XPNPEP3: variants seen among roughly 807,000 people sequenced by gnomAD.
The protein encoded by XPNPEP3 is xaa-Pro aminopeptidase 3.
A neutral mutation model predicts 60.0 loss-of-function variants in XPNPEP3; 41 were observed. The ratio of observed to expected loss-of-function variants is 0.68; its 90% confidence interval spans 0.53 to 0.89. The LOEUF (loss-of-function observed/expected upper bound fraction) is 0.89. XPNPEP3 is among the 40% of genes least tolerant of loss of function. The pLI is 0.00. For synonymous variants in XPNPEP3, 212 were observed against 223.2 expected, an observed-to-expected ratio of 0.95 and a Z score of 0.45; for missense variants, 598 against 638.9, an observed-to-expected ratio of 0.94 and a Z score of 0.69.
At chr22:40,863,681 A>G (rs914260884) in intron 1 of XPNPEP3, among the ~76,000 whole-genome samples, 2 of 152,212 alleles carry the variant, frequency 1.3e-5, no homozygotes, top group African/African-American at 4.8e-5. Context: ...ATAATAACCA[A>G]TAATGTCGAA....
chr22:40,924,569 G>T, intron 9 of XPNPEP3, 87 bp downstream of exon 9: 9 of 1,557,656 alleles, frequency 5.8e-6, no homozygotes, highest in Non-Finnish European at 7.8e-6. Context: ...TTTCGCCCAG[G>T]CTGGAGTGAA....
intron 2 of XPNPEP3, among the ~76,000 whole-genome samples, chr22:40,878,866 GCGTGAGC>G (rs2145782595): frequency 6.6e-6 from 1 of 152,242 alleles, no homozygotes; most frequent in South Asian, 2.1e-4. Context: ...AGGATTATAG[GCGTGAGC>G]CACTGCACCC....
At chr22:40,859,443 ATTTTTGCTTTAG>A (rs1176480541) in intron 1 of XPNPEP3, 1 of 152,034 alleles carries the variant, frequency 6.6e-6, no homozygotes. Context: ...TGAGACACTG[ATTTTTGCTTTAG>A]TTTTTGGAAA....
rs574701179 is a variant in XPNPEP3 at position 40,860,974 on chromosome 22, C to T, written c.64+3729C>T. ...ATCCTGCTAAAAGTGTTGAAAAGCTCTTAGTATAGTATTAAGTGTTATCTA... is the reference window on the plus strand; with the variant it reads ...ATCCTGCTAAAAGTGTTGAAAAGCTTTTAGTATAGTATTAAGTGTTATCTA... On this transcript the variant is annotated intron_variant, in intron 1 of 9. Transcript: ENST00000357137. 53 of 1,239,106 alleles carry T rather than the reference C, an allele frequency of 4.3e-5. No individual in the cohort carries two copies. In the Middle Eastern group the frequency reaches 8.3e-4, roughly 19 times the overall value. 76.8% of individuals were successfully genotyped at this position (1,239,106 alleles called of 1,614,324 possible).
At chr22:40,910,410 C>A (rs1406892290) in intron 6 of XPNPEP3, among the ~76,000 whole-genome samples, 3 of 151,880 alleles carry the variant, frequency 2.0e-5, no homozygotes, top group African/African-American at 4.8e-5. Flanking sequence ...TTTTTTAACT[C>A]CTAAATATCA....
intron 4 of XPNPEP3, among the ~76,000 whole-genome samples, chr22:40,895,328 A>G (rs922745207): frequency 6.6e-6 from 1 of 151,552 alleles, no homozygotes; most frequent in African/African-American, 2.4e-5. Flanking sequence ...AATAGAGATT[A>G]GTGCTTTTCT....
At chr22:40,858,955 T>G (rs2057924087) in intron 1 of XPNPEP3, among the ~76,000 whole-genome samples, 1 of 152,188 alleles carries the variant, frequency 6.6e-6, no homozygotes, top group African/African-American at 2.4e-5. Context: ...TAATTCTTTT[T>G]TTGGAGATGG....
At chr22:40,911,199 T>G (rs1007939903) in intron 6 of XPNPEP3, among the ~76,000 whole-genome samples, 51 of 152,192 alleles carry the variant, frequency 3.4e-4, no homozygotes, top group African/African-American at 1.2e-3. Context: ...TAATTTTTAT[T>G]ACCTTAATTA....
At chr22:40,858,353 C>CTCCT (rs2057917140) in intron 1 of XPNPEP3, among the ~76,000 whole-genome samples, 1 of 152,000 alleles carries the variant, frequency 6.6e-6, no homozygotes, top group East Asian at 1.9e-4. Context: ...GCGATCCACC[C>CTCCT]TCCTCTCTGA....
chr22:40,871,326 T>C (rs2058004635), intron 2 of XPNPEP3, among the ~76,000 whole-genome samples: 1 of 152,178 alleles, frequency 6.6e-6, no homozygotes, highest in South Asian at 2.1e-4. Flanking sequence ...GCACTCCATC[T>C]TGGGTGACAG....
intron 4 of XPNPEP3, among the ~76,000 whole-genome samples, chr22:40,891,116 G>A (rs1164678801): frequency 6.7e-6 from 1 of 149,002 alleles, no homozygotes; most frequent in Admixed American, 6.7e-5. Flanking sequence ...CCCAAGACGG[G>A]TGGATCACTT....
chr22:40,857,267 C>T (rs1035781789), intron 1 of XPNPEP3, 22 bp downstream of exon 1: 1 of 1,613,792 alleles, frequency 6.2e-7, no homozygotes, highest in Admixed American at 1.7e-5. Context: ...CTCCCACGGT[C>T]TCCTCCCATG....
At chr22:40,907,174 C>A (rs766363333) in intron 4 of XPNPEP3, 4 of 457,712 alleles carry the variant, frequency 8.7e-6, no homozygotes, top group Non-Finnish European at 1.8e-5. Context: ...GTATTCCCAT[C>A]ACTTTGGGAG....
chr22:40,886,190 C>T (rs2058067909), intron 3 of XPNPEP3, 123 bp from the exon 4 acceptor site: 2 of 943,612 alleles, frequency 2.1e-6, no homozygotes, highest in Non-Finnish European at 3.4e-6. Context: ...TAAGTCTCAA[C>T]ACTTTAGAGT....
chr22:40,889,570 A>G (rs993489568), intron 4 of XPNPEP3, among the ~76,000 whole-genome samples: 2 of 152,230 alleles, frequency 1.3e-5, no homozygotes, highest in African/African-American at 4.8e-5. Context: ...GCTCACCCCT[A>G]TAATCTCAGC....
At chr22:40,896,717 T>G (rs1235026101) in intron 4 of XPNPEP3, among the ~76,000 whole-genome samples, 1 of 152,200 alleles carries the variant, frequency 6.6e-6, no homozygotes, top group Non-Finnish European at 1.5e-5. Context: ...ATTAGGTATA[T>G]TCACACTGTG....
intron 3 of XPNPEP3, among the ~76,000 whole-genome samples, chr22:40,885,228 A>G (rs1031909894): frequency 5.3e-5 from 8 of 152,208 alleles, no homozygotes; most frequent in African/African-American, 1.4e-4. Context: ...ACTTTCCCCA[A>G]AGTACTTTTT....
intron 1 of XPNPEP3, among the ~76,000 whole-genome samples, chr22:40,863,913 T>A (rs781301185): frequency 1.3e-5 from 2 of 152,220 alleles, no homozygotes; most frequent in Non-Finnish European, 2.9e-5. Context: ...GGACTAGGAC[T>A]TAAAGAGTTT....
chr22:40,922,764 A>C (rs576102170), intron 8 of XPNPEP3, among the ~76,000 whole-genome samples: 1 of 152,222 alleles, frequency 6.6e-6, no homozygotes, highest in South Asian at 2.1e-4. Context: ...ATACACACAC[A>C]TACGTAGATA....
Sources: allele counts gnomAD v4.1 joint callset (sites outside exome capture counted in the v4.1 genomes callset), GRCh38; gene constraint gnomAD v4.1.1; transcripts MANE v1.5; gene names NCBI Gene and HGNC (gene_info 2026-07-23, HGNC 2026-07-21).